Variants in RAD54B observed in about 807,000 individuals in gnomAD.
RAD54B encodes RAD54 homolog B.
A neutral mutation model predicts 95.8 loss-of-function variants in RAD54B; 78 were observed. That is an observed-to-expected ratio of 0.81 (90% CI 0.68 to 0.98). The LOEUF (loss-of-function observed/expected upper bound fraction) is 0.98. Ranked by LOEUF, RAD54B falls within the 50% of genes least tolerant of loss-of-function variation. The pLI, the probability that RAD54B is intolerant of heterozygous loss-of-function variation, is 0.00. For missense variants in RAD54B, 957 were observed against 1,056.6 expected (o/e 0.91, Z 1.31); for synonymous variants, 328 against 354.9 (o/e 0.92, Z 0.85).
chr8:94,395,011 T>C (rs748652086), intron 8 of RAD54B, among the ~76,000 whole-genome samples: 7 of 152,168 alleles, frequency 4.6e-5, no homozygotes, highest in African/African-American at 7.2e-5. Context: ...AATACATTTA[T>C]GTTGGTATAT....
At chr8:94,420,669 GAAGA>G (rs1811783925) in intron 3 of RAD54B, among the ~76,000 whole-genome samples, 1 of 146,294 alleles carries the variant, frequency 6.8e-6, no homozygotes, top group African/African-American at 2.5e-5. Context: ...TGTATTGCAG[GAAGA>G]AACACATACA....
At chr8:94,401,203 G>T (rs999736329) in intron 6 of RAD54B, among the ~76,000 whole-genome samples, 3 of 152,084 alleles carry the variant, frequency 2.0e-5, no homozygotes, top group Non-Finnish European at 4.4e-5. Context: ...GGTTTGAACT[G>T]TGAAAGTCCA....
In RAD54B at chr8:94,432,110, T is replaced by G. The variant is rs566886309; in HGVS notation, c.305-20795A>C. The stretch of plus-strand genomic sequence containing the variant: ...TTTGGCCAAAATCAAAATTATCAAA[T>G]TGCAAGATTGAAAAAAAAACTTAGA... On this transcript the variant is annotated intron_variant, in intron 3 of 14. Transcript: ENST00000336148. 5.4e-5 allele frequency: 81 copies of G among 1,510,816 alleles called. No homozygotes were observed. The African/African-American group carries it at 1.1e-3, about 20-fold the overall frequency. The allele number at this position is 1,510,816 out of a possible 1,614,324, so 93.6% of individuals were successfully genotyped here.
intron 7 of RAD54B, 118 bp from the exon 8 acceptor site, chr8:94,399,739 C>G: frequency 7.6e-7 from 1 of 1,322,658 alleles, no homozygotes; most frequent in Non-Finnish European, 1.0e-6. Flanking sequence ...CTCTTTCTGT[C>G]TTAGTCAACT....
intron 11 of RAD54B, among the ~76,000 whole-genome samples, chr8:94,381,520 A>C (rs906426277): frequency 2.0e-5 from 3 of 152,234 alleles, no homozygotes; most frequent in Non-Finnish European, 2.9e-5. Context: ...CAATGAAAAA[A>C]AACAGAAGAA....
chr8:94,375,596 C>T (rs1217191007), intron 14 of RAD54B, among the ~76,000 whole-genome samples: 1 of 152,060 alleles, frequency 6.6e-6, no homozygotes, highest in Non-Finnish European at 1.5e-5. Context: ...TCAGGTATGC[C>T]TTTATCAGCA....
intron 6 of RAD54B, among the ~76,000 whole-genome samples, chr8:94,400,772 CTG>C (rs894355425): frequency 3.3e-5 from 5 of 152,110 alleles, no homozygotes; most frequent in Non-Finnish European, 5.9e-5. Flanking sequence ...TTAACTATAA[CTG>C]TGTTTCTCAT....
intron 14 of RAD54B, among the ~76,000 whole-genome samples, chr8:94,374,142 G>A (rs1373744646): frequency 2.0e-5 from 3 of 152,102 alleles, no homozygotes; most frequent in Non-Finnish European, 4.4e-5. Flanking sequence ...AGCCAGACGT[G>A]GTGGCAGGCG....
intron 14 of RAD54B, 79 bp from the exon 15 acceptor site, chr8:94,372,466 AATTAG>A: frequency 1.3e-6 from 2 of 1,544,118 alleles, no homozygotes; most frequent in Non-Finnish European, 1.7e-6. Context: ...GTTTTATGAT[AATTAG>A]TTTATGTGAT....
At chr8:94,400,735 C>A (rs919079043) in intron 6 of RAD54B, among the ~76,000 whole-genome samples, 1 of 152,036 alleles carries the variant, frequency 6.6e-6, no homozygotes, top group Admixed American at 6.6e-5. Context: ...GAAATGAATT[C>A]CAATTTTATA....
intron 3 of RAD54B, among the ~76,000 whole-genome samples, chr8:94,452,371 C>T (rs941141213): frequency 6.6e-6 from 1 of 152,220 alleles, no homozygotes; most frequent in Non-Finnish European, 1.5e-5. Context: ...GAAATACATA[C>T]TGAAGAATTT....
intron 5 of RAD54B, among the ~76,000 whole-genome samples, chr8:94,406,560 T>C (rs2931632): frequency 0.25 from 37,799 of 152,140 alleles, 5,586 homozygotes; most frequent in East Asian, 0.43. Flanking sequence ...TATTTGTATT[T>C]AGGTAAGTCG....
rs1479329970 is a variant in RAD54B, at chr8:94,400,366, G to A, written c.1042C>T (p.Pro348Ser). Residue 348 changes from proline to serine, a missense_variant, in exon 7 of 15, where the codon CCC (proline) becomes TCC (serine). Physicochemically the swap from Pro to Ser is moderately conservative, Grantham distance 74. Coordinates refer to ENST00000336148, the MANE Select transcript of RAD54B (RefSeq NM_012415.3). ...TTTATTACTGGCTTGCCTCCATAGG[G>A]TCCCTGACACTGCAGGGTCCAGATG... ...SLIWTLQCQG[P>S]YGGKPVIKKT... 2 of 1,613,678 alleles carry A rather than the reference G, an allele frequency of 1.2e-6. 1 individual carries two copies. Among genetic ancestry groups the A allele is most frequent in the South Asian group, 2.2e-5 (2 of 91,070 alleles).
chr8:94,468,272 T>C (rs1443062173), intron 1 of RAD54B, among the ~76,000 whole-genome samples: 2 of 152,128 alleles, frequency 1.3e-5, no homozygotes, highest in Non-Finnish European at 2.9e-5. Flanking sequence ...TCTTAACCAT[T>C]AGCTACCCAT....
intron 3 of RAD54B, chr8:94,436,624 T>G (rs1480230301): frequency 6.4e-7 from 1 of 1,550,438 alleles, no homozygotes; most frequent in African/African-American, 1.4e-5. Context: ...CTGCAATAGC[T>G]CCTGTTTGGC....
intron 3 of RAD54B, among the ~76,000 whole-genome samples, chr8:94,418,950 T>C (rs1367075717): frequency 6.6e-6 from 1 of 152,192 alleles, no homozygotes; most frequent in Non-Finnish European, 1.5e-5. Context: ...AATGCTGCAA[T>C]TTGAATTTGA....
chr8:94,409,391 A>C (rs1236484030), intron 4 of RAD54B, among the ~76,000 whole-genome samples: 1 of 149,440 alleles, frequency 6.7e-6, no homozygotes, highest in Non-Finnish European at 1.5e-5. Flanking sequence ...TTTTTTTTTT[A>C]AGAGACAGGG....
At chr8:94,383,503 G>A (rs1036430075) in intron 11 of RAD54B, among the ~76,000 whole-genome samples, 1 of 152,110 alleles carries the variant, frequency 6.6e-6, no homozygotes. Flanking sequence ...ACACAGTAAG[G>A]TATTTTGAGA....
At chr8:94,429,708 A>C (rs1011241671) in intron 3 of RAD54B, 3 of 983,626 alleles carry the variant, frequency 3.0e-6, no homozygotes, top group Non-Finnish European at 2.4e-6. Context: ...GAGAAAAGGT[A>C]ACATTGTCAA....
Sources: allele counts gnomAD v4.1 joint callset (sites outside exome capture counted in the v4.1 genomes callset), GRCh38; gene constraint gnomAD v4.1.1; transcripts MANE v1.5; gene names NCBI Gene and HGNC (gene_info 2026-07-23, HGNC 2026-07-21).